Variants in CAST observed in about 807,000 individuals in gnomAD.
CAST encodes the protein calpastatin, also known as MIR583 host.
Under a neutral mutation model 119.6 loss-of-function variants are expected in CAST, and 76 were observed. The observed-to-expected ratio is 0.64, with a 90% CI of 0.53 to 0.77. The LOEUF is 0.77. CAST is among the 30% of genes least tolerant of loss of function. The pLI is 0.00. For missense variants in CAST, 953 were observed against 946.5 expected, an observed-to-expected ratio of 1.01 and a Z score of -0.09; for synonymous variants, 319 against 331.6, an observed-to-expected ratio of 0.96 and a Z score of 0.41.
At chr5:96,131,991 A>G in the CAST span, among the ~76,000 whole-genome samples, 3 of 152,152 alleles carry the variant, frequency 2.0e-5, no homozygotes, top group African/African-American at 7.2e-5. Flanking sequence ...AAGCCAGAAA[A>G]TGGAAAATGT....
At chr5:96,001,519 T>A in the CAST span, among the ~76,000 whole-genome samples, 2 of 152,128 alleles carry the variant, frequency 1.3e-5, no homozygotes, top group African/African-American at 4.8e-5. Context: ...GGTACAAAGG[T>A]GTATTTACTT....
At chr5:96,540,434 T>G (rs775637969) in intron 1 of CAST, among the ~76,000 whole-genome samples, 26 of 152,116 alleles carry the variant, frequency 1.7e-4, no homozygotes, top group Non-Finnish European at 3.1e-4. Flanking sequence ...AGTAACTTTT[T>G]ATTAATGACT....
At chr5:96,107,843 T>C in the CAST span, among the ~76,000 whole-genome samples, 28 of 151,790 alleles carry the variant, frequency 1.8e-4, no homozygotes, top group South Asian at 4.4e-3. Flanking sequence ...CCATTCTCCC[T>C]GTCACTTTCA....
chr5:96,389,013 T>G, the CAST span, among the ~76,000 whole-genome samples: 2 of 151,974 alleles, frequency 1.3e-5, no homozygotes, highest in African/African-American at 4.8e-5. Context: ...AGAAAAATGC[T>G]GCATAATGTC....
At chr5:96,360,264 T>G in the CAST span, among the ~76,000 whole-genome samples, 1 of 152,092 alleles carries the variant, frequency 6.6e-6, no homozygotes, top group Non-Finnish European at 1.5e-5. Context: ...TTAGCCTCCT[T>G]GCATTGGGTT....
rs1200614799 is a variant in CAST at position 96,534,752 on chromosome 5, A to G, written c.60+4872A>G. Among the ~76,000 whole-genome samples, 355 of 45,556 alleles carry G rather than the reference A, an allele frequency of 7.8e-3. 1 individual carries two copies. The highest frequency in any genetic ancestry group is 0.014 in the East Asian group (28 of 1,986). 29.9% of individuals were successfully genotyped at this position (45,556 alleles called of 152,430 possible). A position where few individuals can be genotyped will look rare whatever the true frequency, so the allele number is the denominator to read the frequency against. On this transcript the variant is annotated intron_variant, in intron 1 of 11. Coordinates refer to the CAST transcript ENST00000505143. ...GAGAGAGAGAGAGAGAAAGAAAGAA[A>G]GAAAGAAAGAAAGAAAGAAAGAAAG... is the stretch of plus-strand genomic sequence containing the variant.
At chr5:96,718,162 A>G (rs1757521069) in intron 3 of CAST, among the ~76,000 whole-genome samples, 2 of 152,186 alleles carry the variant, frequency 1.3e-5, no homozygotes, top group East Asian at 3.9e-4. Context: ...GGAGGCTCCA[A>G]GAGGTTAATT....
the CAST span, among the ~76,000 whole-genome samples, chr5:96,202,383 T>A: frequency 6.6e-4 from 101 of 152,218 alleles, no homozygotes; most frequent in Non-Finnish European, 1.2e-3. Flanking sequence ...AGTGACATTA[T>A]GATTCAGAAT....
the CAST span, among the ~76,000 whole-genome samples, chr5:96,076,122 T>C: frequency 2.0e-5 from 3 of 152,188 alleles, no homozygotes; most frequent in Non-Finnish European, 4.4e-5. Context: ...GTTTTCACTA[T>C]GGGCCAGCTG....
At chr5:96,691,621 G>A (rs2150294291) in intron 2 of CAST, among the ~76,000 whole-genome samples, 1 of 152,250 alleles carries the variant, frequency 6.6e-6, no homozygotes, top group East Asian at 1.9e-4. Flanking sequence ...TCAACCTGTG[G>A]GTCACAGTCC....
At chr5:96,724,824 AAAATAAAT>A (rs150344814) in intron 4 of CAST, among the ~76,000 whole-genome samples, 2 of 150,008 alleles carry the variant, frequency 1.3e-5, no homozygotes, top group African/African-American at 2.5e-5. Flanking sequence ...CCCTGTCTCA[AAAATAAAT>A]AAATAAATAA....
chr5:96,587,286 T>C (rs1223612720), intron 1 of CAST, among the ~76,000 whole-genome samples: 1 of 152,222 alleles, frequency 6.6e-6, no homozygotes, highest in Non-Finnish European at 1.5e-5. Context: ...GTCTATAGCA[T>C]GTGCCTAGAG....
chr5:96,770,199 T>C, intron 29 of CAST: 1 of 292,308 alleles, frequency 3.4e-6, no homozygotes, highest in South Asian at 4.0e-5. Flanking sequence ...GTACTAGGGT[T>C]CCCTTTTCTC....
At chr5:96,598,283 T>G (rs993534523) in intron 1 of CAST, among the ~76,000 whole-genome samples, 3 of 152,214 alleles carry the variant, frequency 2.0e-5, no homozygotes, top group Non-Finnish European at 4.4e-5. Flanking sequence ...AACTTTTTTT[T>G]GCCTTTCATG....
At chr5:96,547,454 G>C (rs1196686653) in intron 1 of CAST, among the ~76,000 whole-genome samples, 1 of 152,204 alleles carries the variant, frequency 6.6e-6, no homozygotes, top group Non-Finnish European at 1.5e-5. Flanking sequence ...AGGAGAGAAA[G>C]AATTCACCCT....
chr5:96,670,152 A>G (rs1360711507), intron 1 of CAST, among the ~76,000 whole-genome samples: 1 of 151,936 alleles, frequency 6.6e-6, no homozygotes, highest in East Asian at 1.9e-4. Context: ...TTGCTCCATG[A>G]TTTTTCCACA....
the CAST span, among the ~76,000 whole-genome samples, chr5:96,267,650 G>A: frequency 7.1e-3 from 1,074 of 152,022 alleles, 10 homozygotes; most frequent in African/African-American, 0.025. Context: ...ACCACCACCA[G>A]ACCTGTCTTA....
At chr5:96,416,512 G>A in the CAST span, among the ~76,000 whole-genome samples, 1 of 152,194 alleles carries the variant, frequency 6.6e-6, no homozygotes, top group South Asian at 2.1e-4. Context: ...TCAGAGAAAT[G>A]GCTTCTGCTT....
intron 1 of CAST, among the ~76,000 whole-genome samples, chr5:96,569,401 A>G (rs1189451510): frequency 6.6e-6 from 1 of 152,210 alleles, no homozygotes; most frequent in Non-Finnish European, 1.5e-5. Context: ...ATTTATATAT[A>G]TTTTTAAAAC....
Sources: allele counts gnomAD v4.1 joint callset (sites outside exome capture counted in the v4.1 genomes callset), GRCh38; gene constraint gnomAD v4.1.1; transcripts MANE v1.5; gene names NCBI Gene and HGNC (gene_info 2026-07-23, HGNC 2026-07-21).